Variants in APOBEC3A observed in about 807,000 individuals in gnomAD.
The protein encoded by APOBEC3A is DNA dC->dU-editing enzyme APOBEC-3A.
APOBEC3A carries 13 observed loss-of-function variants against 23.0 expected under a neutral mutation model. The ratio of observed to expected loss-of-function variants is 0.57; its 90% CI spans 0.37 to 0.90. The LOEUF is 0.90. Among genes scored for constraint, APOBEC3A ranks in the 40% least tolerant of loss-of-function variants. The probability of loss-of-function intolerance (pLI) is 0.01; values close to 1 mark genes in which losing one functional copy is unlikely to be tolerated. For missense variants in APOBEC3A, 179 were observed against 264.9 expected (o/e 0.68, Z 2.25); for synonymous variants, 74 against 101.3 (o/e 0.73, Z 1.62).
At position 38,962,518 on chromosome 22, in the gene APOBEC3A, C is replaced by G. The variant is rs1459439547; in HGVS notation, c.*9C>G. 2.5e-6 allele frequency: 4 copies of G among 1,587,966 alleles called. No homozygotes were observed. In the Admixed American group the frequency reaches 7.3e-5, roughly 29 times the overall value. ...AGAATCAGGGAAACTGAAGGATGGG[C>G]CTCAGTCTCTAAGGAAGGCAGAGAC... On this transcript the variant is annotated 3_prime_UTR_variant, in exon 5 of 5. Transcript: ENST00000249116.
rs745470971 is a variant in APOBEC3A at position 38,957,649 on chromosome 22, A to G, written c.-43A>G. On this transcript the variant is annotated 5_prime_UTR_variant, in exon 1 of 5. Coordinates refer to ENST00000249116, the MANE Select transcript of APOBEC3A (RefSeq NM_145699.4). ...AACACCACGCCTTGAGCAAGTCGCA[A>G]GAGCGGGAGGACACAGACCAGGAAC... The G allele has an allele frequency of 6.2e-7, 1 of 1,608,212 alleles. No homozygotes were observed. The highest frequency in any genetic ancestry group is 8.5e-7 in the Non-Finnish European group (1 of 1,176,862).
At chr22:38,960,764 A>C (rs1603264055) in intron 2 of APOBEC3A, among the ~76,000 whole-genome samples, 1 of 152,160 alleles carries the variant, frequency 6.6e-6, no homozygotes, top group Non-Finnish European at 1.5e-5. Context: ...AGCTTCTAGA[A>C]TTATGGGCCA....
At chr22:38,959,459 G>T in intron 1 of APOBEC3A, 83 bp from the exon 2 acceptor site, 1 of 1,521,110 alleles carries the variant, frequency 6.6e-7, no homozygotes, top group Non-Finnish European at 9.0e-7. Context: ...GGGGTGCAAG[G>T]GAGGAAGTGT....
intron 2 of APOBEC3A, among the ~76,000 whole-genome samples, chr22:38,959,913 C>A (rs187808821): frequency 6.6e-6 from 1 of 152,298 alleles, no homozygotes; most frequent in African/African-American, 2.4e-5. Flanking sequence ...CCTGAGGACC[C>A]TCCCAGGATC....
chr22:38,959,176 C>A (rs1176577620), intron 1 of APOBEC3A, among the ~76,000 whole-genome samples: 1 of 152,142 alleles, frequency 6.6e-6, no homozygotes, highest in Non-Finnish European at 1.5e-5. Context: ...AGGAGGAAGC[C>A]CCAGAGGGTC....
intron 2 of APOBEC3A, among the ~76,000 whole-genome samples, chr22:38,959,953 A>C (rs1922802663): frequency 6.6e-6 from 1 of 152,144 alleles, no homozygotes; most frequent in Non-Finnish European, 1.5e-5. Context: ...CACCAGGAAC[A>C]ATTCAGCAAT....
At chr22:38,958,704 T>C in intron 1 of APOBEC3A, among the ~76,000 whole-genome samples, 1 of 150,674 alleles carries the variant, frequency 6.6e-6, no homozygotes, top group Non-Finnish European at 1.5e-5. Flanking sequence ...TCTTTCTTTC[T>C]TTCCTTCTTT....
At chr22:38,962,028 A>C in intron 3 of APOBEC3A, 70 bp from the exon 4 acceptor site, 1 of 1,547,112 alleles carries the variant, frequency 6.5e-7, no homozygotes, top group Non-Finnish European at 8.7e-7. Flanking sequence ...CTGTCCTGAG[A>C]GTCATGGGCC....
chr22:38,960,244 G>C (rs1434211618), intron 2 of APOBEC3A, among the ~76,000 whole-genome samples: 1 of 152,214 alleles, frequency 6.6e-6, no homozygotes, highest in Admixed American at 6.5e-5. Context: ...CCTCTGTCTG[G>C]AGAGACCAGG....
At chr22:38,959,707 A>G in intron 2 of APOBEC3A, 21 bp downstream of exon 2, 3 of 1,610,754 alleles carry the variant, frequency 1.9e-6, no homozygotes, top group Non-Finnish European at 8.5e-7. Flanking sequence ...CAGCCATCCG[A>G]ATCCGGGCAG....
Position 38,962,134 on chromosome 22 carries a change from A to G in APOBEC3A, c.506A>G (p.Gln169Arg), listed in dbSNP as rs1922927471. 1.2e-6 allele frequency: 2 copies of G among 1,612,934 alleles called. No individual in the cohort carries two copies. The highest frequency in any genetic ancestry group is 1.7e-6 in the Non-Finnish European group (2 of 1,179,708). ...TGCTGGGACACCTTTGTGGACCACCAGGGATGTCCCTTCCAGCCCTGGGAT... is the reference window on the plus strand; with the variant it reads ...TGCTGGGACACCTTTGTGGACCACCGGGGATGTCCCTTCCAGCCCTGGGAT... Reference protein sequence around the residue: ...KHCWDTFVDHQGCPFQPWDGL... With the variant: ...KHCWDTFVDHRGCPFQPWDGL... The change falls in exon 4 of 5, where the codon CAG (glutamine) becomes CGG (arginine). Residue 169 changes from glutamine (Q) to arginine (R), a missense_variant. Gln to Arg is a conservative substitution (Grantham distance 43). This residue lies in a region of APOBEC3A where 37 missense variants were observed against 43.1 expected (regional missense o/e 0.86). Coordinates refer to ENST00000249116, the MANE Select transcript of APOBEC3A (RefSeq NM_145699.4).
At chr22:38,961,983 G>C (rs546451620) in intron 3 of APOBEC3A, 115 bp from the exon 4 acceptor site, 24 of 1,381,696 alleles carry the variant, frequency 1.7e-5, no homozygotes, top group Non-Finnish European at 2.3e-5. Context: ...GGGAGGGAGA[G>C]GGAAAGGAGG....
At chr22:38,959,793 T>C in intron 2 of APOBEC3A, 107 bp downstream of exon 2, 1 of 1,430,050 alleles carries the variant, frequency 7.0e-7, no homozygotes, top group Non-Finnish European at 9.4e-7. Context: ...TGTTTGTCAC[T>C]TGTGCTTCCT....
Position 38,959,035 on chromosome 22 carries a change from C to T in APOBEC3A, c.30-507C>T, listed in dbSNP as rs143181393. Reference sequence around the variant, plus strand: ...GAAGCACATTTGGGAGACCTCAGGGCACCCTAAGGGATGTGGAAAATCCTA... The same window carrying T: ...GAAGCACATTTGGGAGACCTCAGGGTACCCTAAGGGATGTGGAAAATCCTA... On this transcript the variant is annotated intron_variant, in intron 1 of 4. Transcript: ENST00000249116. Among the ~76,000 whole-genome samples, 159 of 152,228 alleles carry T rather than the reference C, an allele frequency of 1.0e-3. 1 individual carries two copies. The highest frequency in any genetic ancestry group is 6.8e-3 in the Middle Eastern group (2 of 294).
chr22:38,959,482 G>A, intron 1 of APOBEC3A, 60 bp from the exon 2 acceptor site: 1 of 1,578,134 alleles, frequency 6.3e-7, no homozygotes, highest in Non-Finnish European at 8.7e-7. Context: ...GGAGGGAGGA[G>A]GAGGCAGGGC....
chr22:38,958,367 A>G (rs867716426), intron 1 of APOBEC3A, among the ~76,000 whole-genome samples: 1 of 100,852 alleles, frequency 9.9e-6, no homozygotes, highest in Non-Finnish European at 2.0e-5. Context: ...TTCCTTCTTT[A>G]TTTCTTTTTC....
chr22:38,958,684 C>T (rs1305228748), intron 1 of APOBEC3A, among the ~76,000 whole-genome samples: 2 of 129,264 alleles, frequency 1.5e-5, no homozygotes, highest in Admixed American at 8.5e-5. Flanking sequence ...CTTTTCCTTC[C>T]TTTCTTTTTT....
rs1304699533 is a variant in APOBEC3A, at chr22:38,962,676, T to G, written c.*167T>G. On this transcript the variant is annotated 3_prime_UTR_variant, in exon 5 of 5. Transcript: ENST00000249116. Reference sequence around the variant, plus strand: ...CAAGTAGATTTTTAAAAAATCAGAGTGGGCCGGGCGCGGTGGCTCACGCCT... The same window carrying G: ...CAAGTAGATTTTTAAAAAATCAGAGGGGGCCGGGCGCGGTGGCTCACGCCT... 7 of 1,500,478 alleles carry G rather than the reference T, an allele frequency of 4.7e-6. 3 individuals are homozygous for G. In the East Asian group the frequency reaches 1.9e-4, roughly 41 times the overall value. The allele number at this position is 1,500,478 out of a possible 1,614,324, so 92.9% of individuals were successfully genotyped here.
intron 1 of APOBEC3A, among the ~76,000 whole-genome samples, chr22:38,958,634 TTTTCTTTCTTTTC>T (rs1460083335): frequency 4.3e-4 from 64 of 150,208 alleles, no homozygotes; most frequent in African/African-American, 1.5e-3. Flanking sequence ...TTCCTTTCTT[TTTTCTTTCTTTTC>T]TTTCTTTCTT....
Sources: allele counts gnomAD v4.1 joint callset (sites outside exome capture counted in the v4.1 genomes callset), GRCh38; gene constraint gnomAD v4.1.1; regional missense constraint gnomAD v4.1.1; transcripts MANE v1.5; gene names NCBI Gene and HGNC (gene_info 2026-07-23, HGNC 2026-07-21).